Variants in NFIL3 observed in about 807,000 individuals in gnomAD.
The protein encoded by NFIL3 is nuclear factor interleukin-3-regulated protein.
A neutral mutation model predicts 10.0 loss-of-function variants in NFIL3; 5 were observed. The ratio of observed to expected loss-of-function variants is 0.50; its 90% CI spans 0.26 to 1.06. The LOEUF is 1.06. NFIL3 is among the 50% of genes least tolerant of loss of function. The pLI is 0.13. For synonymous variants in NFIL3, 202 were observed against 206.5 expected (o/e 0.98, Z 0.19); for missense variants, 436 against 547.6 (o/e 0.80, Z 2.03).
intron 1 of NFIL3, among the ~76,000 whole-genome samples, chr9:91,419,964 C>T (rs1348936013): frequency 6.6e-6 from 1 of 152,188 alleles, no homozygotes; most frequent in Non-Finnish European, 1.5e-5. Context: ...TCACCATCCA[C>T]TGCTGATCTC....
the NFIL3 span, among the ~76,000 whole-genome samples, chr9:91,455,015 C>G: frequency 2.0e-5 from 3 of 152,142 alleles, no homozygotes; most frequent in African/African-American, 7.2e-5. Context: ...CTCTTTGCCT[C>G]CAGTTATTTT....
the NFIL3 span, among the ~76,000 whole-genome samples, chr9:91,431,988 C>T: frequency 6.6e-6 from 1 of 152,002 alleles, no homozygotes; most frequent in Non-Finnish European, 1.5e-5. Context: ...TAACTTGGGT[C>T]TTCCTGGGTT....
At chr9:91,425,117 A>T (rs1278707001), upstream of NFIL3, among the ~76,000 whole-genome samples, 5 of 152,252 alleles carry the variant, frequency 3.3e-5, no homozygotes, top group South Asian at 6.2e-4. Context: ...GACCTCCACC[A>T]GCCAGCTCCC....
chr9:91,474,061 G>C, the NFIL3 span, among the ~76,000 whole-genome samples: 1 of 151,076 alleles, frequency 6.6e-6, no homozygotes, highest in African/African-American at 2.4e-5. Flanking sequence ...TCACCCTTAT[G>C]TATCATGTTA....
chr9:91,474,856 C>G, the NFIL3 span, among the ~76,000 whole-genome samples: 1 of 152,200 alleles, frequency 6.6e-6, no homozygotes, highest in Non-Finnish European at 1.5e-5. Context: ...AATACAACTT[C>G]ATTTACAAAA....
At chr9:91,411,620 G>A (rs915949001) in intron 1 of NFIL3, among the ~76,000 whole-genome samples, 2 of 152,130 alleles carry the variant, frequency 1.3e-5, no homozygotes, top group Admixed American at 6.5e-5. Context: ...TAAATGAAAA[G>A]GATTCTTCTC....
At chr9:91,436,626 T>C in the NFIL3 span, among the ~76,000 whole-genome samples, 4 of 145,340 alleles carry the variant, frequency 2.8e-5, no homozygotes, top group Middle Eastern at 3.3e-3. Context: ...CAACAAAGAG[T>C]TGAAGGTGGG....
At chr9:91,461,358 A>C in the NFIL3 span, among the ~76,000 whole-genome samples, 1 of 152,266 alleles carries the variant, frequency 6.6e-6, no homozygotes, top group Non-Finnish European at 1.5e-5. Context: ...AATAAAAAGC[A>C]AAAATAACAA....
chr9:91,421,850 G>A (rs1170404463), intron 1 of NFIL3, among the ~76,000 whole-genome samples: 1 of 152,100 alleles, frequency 6.6e-6, no homozygotes, highest in Admixed American at 6.5e-5. Flanking sequence ...TAAATGTTAC[G>A]TTATATATAC....
intron 1 of NFIL3, among the ~76,000 whole-genome samples, chr9:91,421,535 C>T (rs1833768074): frequency 6.6e-6 from 1 of 152,174 alleles, no homozygotes. Flanking sequence ...CCCGAGGTCC[C>T]CGCCCGCCAC....
the NFIL3 span, among the ~76,000 whole-genome samples, chr9:91,472,768 T>C: frequency 2.0e-4 from 30 of 152,230 alleles, no homozygotes; most frequent in Admixed American, 2.0e-3. Context: ...TATGATCCTT[T>C]GGAGGAGAAG....
the NFIL3 span, among the ~76,000 whole-genome samples, chr9:91,475,810 T>C: frequency 6.6e-6 from 1 of 152,220 alleles, no homozygotes; most frequent in South Asian, 2.1e-4. Context: ...TACGATAATA[T>C]AGATTAAATG....
intron 1 of NFIL3, among the ~76,000 whole-genome samples, chr9:91,416,014 G>T (rs1290463746): frequency 6.6e-6 from 1 of 152,120 alleles, no homozygotes; most frequent in African/African-American, 2.4e-5. Context: ...AGATGTTTCA[G>T]ATCTGGCACT....
At chr9:91,455,850 A>C in the NFIL3 span, among the ~76,000 whole-genome samples, 1 of 152,186 alleles carries the variant, frequency 6.6e-6, no homozygotes, top group African/African-American at 2.4e-5. Flanking sequence ...CCAAGGTCTG[A>C]TTGCAAAAAT....
the NFIL3 span, among the ~76,000 whole-genome samples, chr9:91,431,986 G>A: frequency 6.6e-6 from 1 of 151,976 alleles, no homozygotes; most frequent in East Asian, 1.9e-4. Context: ...GCTAACTTGG[G>A]TCTTCCTGGG....
At chr9:91,420,238 A>T (rs956375093) in intron 1 of NFIL3, among the ~76,000 whole-genome samples, 8 of 152,090 alleles carry the variant, frequency 5.3e-5, no homozygotes, top group Admixed American at 1.3e-4. Context: ...ATTAAAAAAT[A>T]TATATATTAT....
chr9:91,417,006 C>G (rs1833670079), intron 1 of NFIL3, among the ~76,000 whole-genome samples: 1 of 152,114 alleles, frequency 6.6e-6, no homozygotes, highest in African/African-American at 2.4e-5. Flanking sequence ...CCAAGCTCCA[C>G]AAAAGAAAAG....
intron 1 of NFIL3, among the ~76,000 whole-genome samples, chr9:91,418,059 T>C (rs1481813125): frequency 6.6e-6 from 1 of 152,212 alleles, no homozygotes; most frequent in African/African-American, 2.4e-5. Flanking sequence ...TGAAATAGTA[T>C]AACTTAACAT....
At chr9:91,476,571 T>TAAAA in the NFIL3 span, among the ~76,000 whole-genome samples, 1 of 134,230 alleles carries the variant, frequency 7.4e-6, no homozygotes. Flanking sequence ...AGAATCCGTC[T>TAAAA]AAAAAAAAAA....
Sources: gnomAD v4.1 joint callset for allele counts (sites outside exome capture counted in the v4.1 genomes callset) on GRCh38, gnomAD v4.1.1 for gene constraint, MANE v1.5 for transcripts, NCBI Gene and HGNC (gene_info 2026-07-23, HGNC 2026-07-21) for gene names.